SAMMSON: variants seen among roughly 807,000 people sequenced by gnomAD.
SAMMSON encodes the protein survival associated mitochondrial melanoma specific oncogenic non-coding RNA.
intron 7 of SAMMSON, among the ~76,000 whole-genome samples, chr3:70,348,122 T>C (rs901998874): frequency 2.0e-5 from 3 of 152,084 alleles, no homozygotes; most frequent in African/African-American, 7.2e-5. Flanking sequence ...TGAAGGGGAC[T>C]GAGTATGCTA....
At chr3:70,322,806 A>G (rs1416809152) in intron 7 of SAMMSON, among the ~76,000 whole-genome samples, 1 of 152,144 alleles carries the variant, frequency 6.6e-6, no homozygotes, top group South Asian at 2.1e-4. Flanking sequence ...TTGAAGAGCC[A>G]TAGAGACTAA....
At chr3:70,228,554 G>A (rs1701529758) in intron 4 of SAMMSON, among the ~76,000 whole-genome samples, 1 of 150,866 alleles carries the variant, frequency 6.6e-6, no homozygotes, top group Admixed American at 6.6e-5. Flanking sequence ...GTTTTCTAAT[G>A]TCTAGATTAA....
rs574887444 is a variant in SAMMSON, at chr3:70,072,704, AG to A, written n.507+1141del. The A allele has an allele frequency of 5.3e-3, 808 of 151,724 alleles. 7 individuals carry two copies. The highest frequency in any genetic ancestry group is 0.018 in the African/African-American group (739 of 41,406). 9.4% of individuals were successfully genotyped at this position (151,724 alleles called of 1,614,324 possible). ...TTTTATAAGGGTGTCAGTACAAAAC[AG>A]GTGTTTGATGAAGCTCAAGCAAAAC... On this transcript the variant is annotated intron_variant and non_coding_transcript_variant, in intron 4 of 9. Coordinates refer to ENST00000642114, the Ensembl canonical transcript of SAMMSON.
intron 4 of SAMMSON, among the ~76,000 whole-genome samples, chr3:70,229,010 ATGGG>A (rs1701534880): frequency 6.6e-6 from 1 of 152,200 alleles, no homozygotes; most frequent in African/African-American, 2.4e-5. Context: ...ACAGAGGCTA[ATGGG>A]ATACCAATGC....
intron 6 of SAMMSON, among the ~76,000 whole-genome samples, chr3:70,263,343 T>G (rs1421566279): frequency 6.6e-6 from 1 of 152,224 alleles, no homozygotes; most frequent in Non-Finnish European, 1.5e-5. Flanking sequence ...TTGTGATCAA[T>G]ATAGTTCTTT....
chr3:70,003,163 AT>A (rs1362903128), intron 1 of SAMMSON, among the ~76,000 whole-genome samples: 1 of 151,980 alleles, frequency 6.6e-6, no homozygotes, highest in Non-Finnish European at 1.5e-5. Flanking sequence ...CACAGTTTCC[AT>A]TTTGTTAGTT....
chr3:70,196,628 A>G (rs1179100660), intron 4 of SAMMSON, among the ~76,000 whole-genome samples: 1 of 152,192 alleles, frequency 6.6e-6, no homozygotes, highest in African/African-American at 2.4e-5. Context: ...GTGGCTTAAC[A>G]TGCTATTTTA....
At position 70,162,367 on chromosome 3, in the gene SAMMSON, A is replaced by G. The variant is rs868007788; in HGVS notation, n.508-86740A>G. On this transcript the variant is annotated intron_variant and non_coding_transcript_variant, in intron 4 of 9. Transcript: ENST00000642114. ...TTCATTCTGCTCAAAATACTTTCTT[A>G]TTTCCCTTGTGATTTCTTCTTTAAC... 9.2e-5 allele frequency among the ~76,000 whole-genome samples: 14 copies of G among 151,658 alleles called. 1 individual carries two copies. Among genetic ancestry groups the G allele is most frequent in the Non-Finnish European group, 1.5e-5 (1 of 67,762 alleles).
intron 3 of SAMMSON, among the ~76,000 whole-genome samples, chr3:70,025,435 G>A (rs1007999963): frequency 6.6e-6 from 1 of 152,054 alleles, no homozygotes; most frequent in Non-Finnish European, 1.5e-5. Flanking sequence ...TAGAGAAGGG[G>A]TTTCACCATG....
At position 70,234,523 on chromosome 3, in the gene SAMMSON, C is replaced by T. The variant is rs1429493515; in HGVS notation, n.508-14584C>T. ...AATCAGCCAGGCATGGTGGCATGCA[C>T]CTGTAGTCCCAGAGGCTGAGGTGGG... On this transcript the variant is annotated intron_variant and non_coding_transcript_variant, in intron 4 of 9. Transcript: ENST00000642114. Among the ~76,000 whole-genome samples, 4 of 151,956 alleles carry T rather than the reference C, an allele frequency of 2.6e-5. No individual in the cohort carries two copies. The South Asian group carries it at 6.2e-4, about 24-fold the overall frequency.
At chr3:70,203,606 CATTTT>C (rs1490913769) in intron 4 of SAMMSON, among the ~76,000 whole-genome samples, 1 of 151,958 alleles carries the variant, frequency 6.6e-6, no homozygotes, top group Non-Finnish European at 1.5e-5. Flanking sequence ...AAAATTGAAA[CATTTT>C]ATAAGGTGAC....
Position 70,250,443 on chromosome 3 carries a change from A to G in SAMMSON, n.674+773A>G, listed in dbSNP as rs1701751993. Among the ~76,000 whole-genome samples the G allele has an allele frequency of 2.7e-5, 4 of 150,868 alleles. No individual in the cohort carries two copies. The South Asian group carries it at 8.4e-4, about 31-fold the overall frequency. On this transcript the variant is annotated intron_variant and non_coding_transcript_variant, in intron 6 of 9. Transcript: ENST00000642114. Reference sequence around the variant, plus strand: ...CACACACACACACACACACACACACACACACACAAACACAAACCTCAGAAT... The same window carrying G: ...CACACACACACACACACACACACACGCACACACAAACACAAACCTCAGAAT...
chr3:70,157,615 A>G (rs1276324297), intron 4 of SAMMSON, among the ~76,000 whole-genome samples: 2 of 152,094 alleles, frequency 1.3e-5, no homozygotes, highest in African/African-American at 4.8e-5. Flanking sequence ...AAGAATGTCT[A>G]GGGGTAATCG....
intron 9 of SAMMSON, among the ~76,000 whole-genome samples, chr3:70,379,427 G>A (rs757339260): frequency 3.9e-4 from 60 of 152,146 alleles, no homozygotes; most frequent in Middle Eastern, 3.4e-3. Context: ...AGCGCTCCTG[G>A]GATCAACACC....
At chr3:70,096,875 A>T (rs531730596) in intron 4 of SAMMSON, among the ~76,000 whole-genome samples, 1 of 152,322 alleles carries the variant, frequency 6.6e-6, no homozygotes, top group South Asian at 2.1e-4. Context: ...GTGTTGAGAG[A>T]TGTCTATGGC....
chr3:70,298,286 T>C (rs2106699339), intron 7 of SAMMSON, among the ~76,000 whole-genome samples: 1 of 152,220 alleles, frequency 6.6e-6, no homozygotes, highest in Non-Finnish European at 1.5e-5. Context: ...TTTGATGTGA[T>C]ATGTTTTATT....
chr3:70,175,290 C>A (rs1701001632), intron 4 of SAMMSON, among the ~76,000 whole-genome samples: 1 of 152,052 alleles, frequency 6.6e-6, no homozygotes, highest in South Asian at 2.1e-4. Context: ...AGTACCTCTC[C>A]CCCTAGTCTA....
intron 3 of SAMMSON, among the ~76,000 whole-genome samples, chr3:70,018,025 G>A (rs1055732324): frequency 3.9e-5 from 6 of 152,100 alleles, no homozygotes; most frequent in African/African-American, 1.4e-4. Flanking sequence ...TGTTCATCAG[G>A]GATATTGGTC....
At chr3:70,230,427 C>T (rs758099030) in intron 4 of SAMMSON, among the ~76,000 whole-genome samples, 6 of 152,130 alleles carry the variant, frequency 3.9e-5, no homozygotes, top group African/African-American at 7.2e-5. Context: ...TATTTTTTGA[C>T]CACTAGAACT....
Sources: allele counts gnomAD v4.1 joint callset (sites outside exome capture counted in the v4.1 genomes callset), GRCh38; gene constraint gnomAD v4.1.1; transcripts MANE v1.5; gene names NCBI Gene and HGNC (gene_info 2026-07-23, HGNC 2026-07-21).